Variants in ISM1 observed in about 807,000 individuals in gnomAD.
The protein encoded by ISM1 is isthmin 1.
Under a neutral mutation model 46.3 loss-of-function variants are expected in ISM1, and 25 were observed. The ratio of observed to expected loss-of-function variants is 0.54; its 90% CI spans 0.39 to 0.75. The LOEUF (loss-of-function observed/expected upper bound fraction) is 0.75, where lower values mean the gene tolerates loss of function less well. Among genes scored for constraint, ISM1 ranks in the 30% least tolerant of loss-of-function variants. The pLI is 0.00. For synonymous variants in ISM1, 255 were observed against 256.7 expected, an observed-to-expected ratio of 0.99 and a Z score of 0.06; for missense variants, 536 against 625.4, an observed-to-expected ratio of 0.86 and a Z score of 1.52.
chr20:13,325,686 A>AC, the ISM1 span, among the ~76,000 whole-genome samples: 1 of 152,220 alleles, frequency 6.6e-6, no homozygotes, highest in Non-Finnish European at 1.5e-5. Context: ...CAAAACTGTG[A>AC]CATGTGGGTA....
intron 2 of ISM1, among the ~76,000 whole-genome samples, chr20:13,276,357 G>A (rs1426322997): frequency 2.6e-5 from 4 of 151,850 alleles, no homozygotes; most frequent in Non-Finnish European, 5.9e-5. Context: ...GTGCATTTCC[G>A]AGCAAGAATC....
chr20:13,318,136 A>AAAATAAAT, the ISM1 span, among the ~76,000 whole-genome samples: 14,794 of 145,052 alleles, frequency 0.1, 1,646 homozygotes, highest in African/African-American at 0.28. Flanking sequence ...GACACTTGAA[A>AAAATAAAT]AAATAAATAA....
chr20:13,231,182 A>G (rs1029415677), intron 1 of ISM1, among the ~76,000 whole-genome samples: 2 of 152,180 alleles, frequency 1.3e-5, no homozygotes, highest in African/African-American at 4.8e-5. Context: ...AGGTAGCAAC[A>G]ATACAGGAAG....
the ISM1 span, among the ~76,000 whole-genome samples, chr20:13,325,577 G>A: frequency 1.3e-5 from 2 of 152,040 alleles, no homozygotes; most frequent in East Asian, 3.9e-4. Context: ...CCAGAGAATC[G>A]ATAATGGGTT....
At position 13,221,340 on chromosome 20, in the gene ISM1, T is replaced by C. The variant is rs2039443487; in HGVS notation, c.-437T>C. ...CCAGCTGCGGCGCCGCGGCCACATC[T>C]GGGGCGCCCATGTGCGCTCGGGGGC... On this transcript the variant is annotated 5_prime_UTR_variant, in exon 1 of 6. Coordinates refer to ENST00000262487, the MANE Select transcript of ISM1 (RefSeq NM_080826.2). Among the ~76,000 whole-genome samples, 2 of 141,560 alleles carry C rather than the reference T, an allele frequency of 1.4e-5. No homozygotes were observed. The highest frequency in any genetic ancestry group is 2.5e-5 in the African/African-American group (1 of 39,354). The allele number at this position is 141,560 out of a possible 152,430, so 92.9% of individuals were successfully genotyped here.
chr20:13,270,262 T>C (rs2040096769), intron 1 of ISM1, among the ~76,000 whole-genome samples: 1 of 152,206 alleles, frequency 6.6e-6, no homozygotes, highest in Admixed American at 6.5e-5. Flanking sequence ...GCTTAATAAA[T>C]AGCCCATAAC....
intron 1 of ISM1, chr20:13,239,094 C>G (rs2123158640): frequency 6.6e-6 from 1 of 152,236 alleles, no homozygotes. Context: ...TCCACATCAA[C>G]TAGAAAAAAA....
rs746194656 is a variant in ISM1, at chr20:13,299,366, C to T, written c.1302C>T (p.Asn434=). ...GCAAGGGTGACTGGAGCAGGTATAA[C>T]GAGGCCCGGCCTCCCAACAACGGAC... is the stretch of plus-strand genomic sequence containing the variant. The part of the protein sequence containing the change: ...IICKGDWSRY[N]EARPPNNGQK... Residue 434 remains asparagine (N), a synonymous_variant, in exon 6 of 6, where the codon AAC becomes AAT. Transcript: ENST00000262487. The surrounding 1 kb of genome is among the most constrained non-coding windows in gnomAD (Gnocchi z 5.8). 3.7e-6 allele frequency: 6 copies of T among 1,613,672 alleles called. No homozygotes were observed. Among genetic ancestry groups the T allele is most frequent in the Non-Finnish European group, 5.1e-6 (6 of 1,179,888 alleles).
the ISM1 span, among the ~76,000 whole-genome samples, chr20:13,315,404 T>C: frequency 0.12 from 17,710 of 151,910 alleles, 1,199 homozygotes; most frequent in Admixed American, 0.18. Flanking sequence ...TCAAACAGAG[T>C]AGACTTAAGA....
rs758428662 is a variant in ISM1 at position 13,299,207 on chromosome 20, G to A, written c.1143G>A (p.Ala381=). Residue 381 remains alanine (A), a synonymous_variant, in exon 6 of 6, where the codon GCG becomes GCA. Transcript: ENST00000262487. This position sits in a 1 kb window ranked among gnomAD's most constrained non-coding sequence, Gnocchi z 5.8. ...SMLSLESTTL[A]AQHCCYGDNM... ...TGTCCCTGGAGAGCACCACGCTGGCGGCACAGCACTGCTGCTACGGCGACA... is the reference window on the plus strand; with the variant it reads ...TGTCCCTGGAGAGCACCACGCTGGCAGCACAGCACTGCTGCTACGGCGACA... The A allele has an allele frequency of 1.9e-6, 3 of 1,602,248 alleles. No homozygotes were observed. The highest frequency in any genetic ancestry group is 3.5e-5 in the Admixed American group (2 of 57,970).
At position 13,279,829 on chromosome 20, in the gene ISM1, C is replaced by G. The variant is rs375940485; in HGVS notation, c.574C>G (p.Pro192Ala). The G allele has an allele frequency of 9.3e-6, 15 of 1,613,966 alleles. No homozygotes were observed. The highest frequency in any genetic ancestry group is 3.3e-4 in the Middle Eastern group (2 of 6,062). The stretch of plus-strand genomic sequence containing the variant: ...CTCAGACGACAGCAACTTCCTCAAC[C>G]CCCCCAGGGGGTGGGACCATACAGC... ...STSDDSNFLN[P>A]PRGWDHTAPG... is the part of the protein sequence containing the mutation. The change falls in exon 3 of 6, where the codon CCC becomes GCC. Residue 192 changes from proline (P) to alanine (A), a missense_variant. This residue lies in a region of ISM1 where 367 missense variants were observed against 376.1 expected (regional missense o/e 0.98). Coordinates refer to ENST00000262487, the MANE Select transcript of ISM1 (RefSeq NM_080826.2).
intron 5 of ISM1, among the ~76,000 whole-genome samples, chr20:13,294,127 G>T (rs997380435): frequency 2.0e-5 from 3 of 152,172 alleles, no homozygotes; most frequent in Non-Finnish European, 4.4e-5. Flanking sequence ...ACCCAGTATT[G>T]CCAGATGTTC....
the ISM1 span, among the ~76,000 whole-genome samples, chr20:13,315,236 A>G: frequency 6.6e-6 from 1 of 152,068 alleles, no homozygotes; most frequent in African/African-American, 2.4e-5. Context: ...AAATATACCA[A>G]TTGAAAAACA....
At chr20:13,264,959 G>A (rs891119421) in intron 1 of ISM1, among the ~76,000 whole-genome samples, 1 of 152,192 alleles carries the variant, frequency 6.6e-6, no homozygotes, top group African/African-American at 2.4e-5. Flanking sequence ...GATGCTACCA[G>A]AGAAGTGGTA....
chr20:13,229,325 T>C (rs1008619043), intron 1 of ISM1, among the ~76,000 whole-genome samples: 7 of 152,234 alleles, frequency 4.6e-5, no homozygotes, highest in African/African-American at 1.4e-4. Context: ...TGCACAATTG[T>C]AGGCAATTTG....
chr20:13,279,984 T>C (rs530339375), intron 3 of ISM1, 86 bp downstream of exon 3: 2 of 1,311,704 alleles, frequency 1.5e-6, no homozygotes, highest in African/African-American at 2.9e-5. Flanking sequence ...AAAACCCTGC[T>C]TAGAGCATGT....
At position 13,221,446 on chromosome 20, in the gene ISM1, T is replaced by C. The variant is rs112047555; in HGVS notation, c.-331T>C. Among the ~76,000 whole-genome samples the C allele has an allele frequency of 0.3, 42,823 of 142,968 alleles. 6,540 individuals carry two copies. Among genetic ancestry groups the C allele is most frequent in the African/African-American group, 0.35 (13,823 of 39,676 alleles). 93.8% of individuals were successfully genotyped at this position (142,968 alleles called of 152,430 possible). A position where few individuals can be genotyped will look rare whatever the true frequency, so the allele number is the denominator to read the frequency against. On this transcript the variant is annotated 5_prime_UTR_variant, in exon 1 of 6. Coordinates refer to ENST00000262487, the MANE Select transcript of ISM1 (RefSeq NM_080826.2). ...CCGGCCCGGCCCGGGTCCCGGGCTG[T>C]CCCGGGACCCAGTCTCCGTCTCCGC...
chr20:13,256,337 ACT>A (rs1568673082), intron 1 of ISM1, among the ~76,000 whole-genome samples: 1 of 149,224 alleles, frequency 6.7e-6, no homozygotes, highest in Non-Finnish European at 1.5e-5. Context: ...TGGAGGTTAC[ACT>A]GAGCCTAGAT....
At position 13,299,069 on chromosome 20, in the gene ISM1, C is replaced by T. The variant is rs545191487; in HGVS notation, c.1005C>T (p.Ala335=). 5 of 1,613,770 alleles carry T rather than the reference C, an allele frequency of 3.1e-6. No homozygotes were observed. In the East Asian group the frequency reaches 8.9e-5, roughly 29 times the overall value. Residue 335 remains alanine (A), a synonymous_variant, in exon 6 of 6, where the codon GCC becomes GCT. Coordinates refer to ENST00000262487, the MANE Select transcript of ISM1 (RefSeq NM_080826.2). The surrounding 1 kb of genome is among the most constrained non-coding windows in gnomAD (Gnocchi z 5.8). ...SYPTEVAYST[A]DIFDRIKRKD... ...CCACTGAGGTGGCCTACAGCACGGC[C>T]GACATCTTCGACCGCATCAAGCGCA...
Sources: gnomAD v4.1 joint callset for allele counts (sites outside exome capture counted in the v4.1 genomes callset) on GRCh38, gnomAD v4.1.1 for gene constraint, gnomAD v4.1.1 regional missense constraint, Gnocchi (gnomAD v3.1) non-coding constraint, MANE v1.5 for transcripts, NCBI Gene and HGNC (gene_info 2026-07-23, HGNC 2026-07-21) for gene names.